ZNF331: variants seen among roughly 807,000 people sequenced by gnomAD.
ZNF331 encodes zinc finger protein 331, also known as C2H2-like zinc finger protein rearranged in thyroid adenomas.
ZNF331 carries 2 observed loss-of-function variants against 7.0 expected under a neutral mutation model. That is an observed-to-expected ratio of 0.29 (90% CI 0.12 to 0.90). The LOEUF is 0.90. ZNF331 is among the 40% of genes least tolerant of loss of function. The pLI is 0.58. For missense variants in ZNF331, 432 were observed against 587.7 expected, an observed-to-expected ratio of 0.74 and a Z score of 2.74; for synonymous variants, 196 against 205.4, an observed-to-expected ratio of 0.95 and a Z score of 0.39.
At chr19:53,559,441 CATAT>C (rs1341323196) in intron 3 of ZNF331, among the ~76,000 whole-genome samples, 2 of 148,128 alleles carry the variant, frequency 1.4e-5, no homozygotes, top group Non-Finnish European at 3.0e-5. Context: ...ACCATATATA[CATAT>C]ATACACACAT....
At chr19:53,506,830 G>A in the ZNF331 span, among the ~76,000 whole-genome samples, 1 of 152,140 alleles carries the variant, frequency 6.6e-6, no homozygotes, top group Non-Finnish European at 1.5e-5. Flanking sequence ...ATTCCAGTCT[G>A]GGTTGGGTGC....
At chr19:53,528,079 CAT>C (rs2087376409) in intron 2 of ZNF331, among the ~76,000 whole-genome samples, 1 of 152,238 alleles carries the variant, frequency 6.6e-6, no homozygotes. Flanking sequence ...ACATAGAACA[CAT>C]GATTCAGTCT....
Position 53,558,178 on chromosome 19 carries a change from T to C in ZNF331, c.-74+2270T>C, listed in dbSNP as rs181391357. On this transcript the variant is annotated intron_variant, in intron 3 of 5. Transcript: ENST00000449416. The surrounding 1 kb of genome is among the most constrained non-coding windows in gnomAD (Gnocchi z 4.5). Reference sequence around the variant, plus strand: ...AACCCTCTACAGGTTGGGGTTCTTATACTCTTTGGCTTCTATTAGTGTATT... The same window carrying C: ...AACCCTCTACAGGTTGGGGTTCTTACACTCTTTGGCTTCTATTAGTGTATT... Among the ~76,000 whole-genome samples, 354 of 152,286 alleles carry C rather than the reference T, an allele frequency of 2.3e-3. 1 individual carries two copies. The highest frequency in any genetic ancestry group is 8.2e-3 in the African/African-American group (342 of 41,548).
At chr19:53,523,567 TGA>T (rs1273837193) in intron 2 of ZNF331, 1 of 152,124 alleles carries the variant, frequency 6.6e-6, no homozygotes, top group East Asian at 1.9e-4. Flanking sequence ...TTGAGTTGTG[TGA>T]GTTTCTTATA....
At chr19:53,511,784 T>C in the ZNF331 span, among the ~76,000 whole-genome samples, 3 of 152,136 alleles carry the variant, frequency 2.0e-5, no homozygotes, top group Admixed American at 1.3e-4. Flanking sequence ...CAAACACATA[T>C]GGATGATTAC....
chr19:53,508,536 T>C, the ZNF331 span, among the ~76,000 whole-genome samples: 2 of 151,840 alleles, frequency 1.3e-5, no homozygotes, highest in African/African-American at 2.4e-5. Flanking sequence ...GAAGGAGACA[T>C]CCTTTTGGAT....
Position 53,577,695 on chromosome 19 carries a change from G to A in ZNF331, c.1135G>A (p.Gly379Ser). The A allele has an allele frequency of 6.2e-7, 1 of 1,614,174 alleles. No homozygotes were observed. Among genetic ancestry groups the A allele is most frequent in the African/African-American group, 1.3e-5 (1 of 75,036 alleles). The stretch of plus-strand genomic sequence containing the variant: ...CACTCAGCACGAGAGAATCCACACA[G>A]GCGAAACCCCGTATAAATGTAAGGA... ...HLTQHERIHT[G>S]ETPYKCKECG... The change falls in exon 6 of 6, where the codon GGC becomes AGC. Residue 379 changes from glycine to serine, a missense_variant. Around this residue, in one of 3 missense-constraint regions of ZNF331, gnomAD observed 312 missense variants for 448.6 expected, o/e 0.70. Coordinates refer to ENST00000449416, the MANE Select transcript of ZNF331 (RefSeq NM_001079906.2).
At chr19:53,563,173 C>T (rs1440295383) in intron 3 of ZNF331, among the ~76,000 whole-genome samples, 12 of 146,250 alleles carry the variant, frequency 8.2e-5, no homozygotes, top group African/African-American at 1.8e-4. Flanking sequence ...CTGCAATCTC[C>T]GCCTCCCGGG....
the ZNF331 span, among the ~76,000 whole-genome samples, chr19:53,506,444 G>GTCTCTC: frequency 1.6e-3 from 137 of 86,232 alleles, no homozygotes; most frequent in East Asian, 6.3e-3. Flanking sequence ...CTCTCTCTCT[G>GTCTCTC]TCTCTCTCTC....
At chr19:53,509,930 CAGAG>C in the ZNF331 span, among the ~76,000 whole-genome samples, 3 of 152,132 alleles carry the variant, frequency 2.0e-5, no homozygotes, top group African/African-American at 7.2e-5. Context: ...AAAGGAGAGA[CAGAG>C]AGAGTGAAGA....
At chr19:53,572,985 G>A (rs2090536459) in intron 5 of ZNF331, among the ~76,000 whole-genome samples, 1 of 152,060 alleles carries the variant, frequency 6.6e-6, no homozygotes, top group Non-Finnish European at 1.5e-5. Flanking sequence ...TTGGGAGGCT[G>A]AGGTGGGCGG....
intron 2 of ZNF331, among the ~76,000 whole-genome samples, chr19:53,544,166 G>T (rs2088391350): frequency 6.6e-6 from 1 of 150,988 alleles, no homozygotes; most frequent in Admixed American, 6.6e-5. Context: ...GGCGGAGGTT[G>T]CAGTGAGTTG....
chr19:53,569,309 G>C lies in ZNF331; in HGVS notation c.-68G>C, dbSNP rs1379619574. 1 of 1,582,744 alleles carries C rather than the reference G, an allele frequency of 6.3e-7. No homozygotes were observed. ...CTCTTTTTTTCCACCCCTAGCTCTA[G>C]CCTCTCGGAATTTGTCTTCTTCAGT... On this transcript the variant is annotated 5_prime_UTR_variant, in exon 4 of 6. Transcript: ENST00000449416.
At chr19:53,568,844 A>G (rs1435106874) in intron 3 of ZNF331, among the ~76,000 whole-genome samples, 1 of 133,014 alleles carries the variant, frequency 7.5e-6, no homozygotes, top group Non-Finnish European at 1.6e-5. Flanking sequence ...TTGATCCATG[A>G]TACTCTTTTT....
chr19:53,506,478 CTCTG>C, the ZNF331 span, among the ~76,000 whole-genome samples: 2 of 133,340 alleles, frequency 1.5e-5, no homozygotes, highest in Non-Finnish European at 3.3e-5. Flanking sequence ...CTCTCTCTCT[CTCTG>C]TCTGTCTCTC....
At chr19:53,552,534 A>G (rs1285890258) in intron 2 of ZNF331, among the ~76,000 whole-genome samples, 1 of 152,008 alleles carries the variant, frequency 6.6e-6, no homozygotes, top group Non-Finnish European at 1.5e-5. Flanking sequence ...CCTGGGCAGC[A>G]TAGCAAGACC....
chr19:53,530,264 ACACC>A (rs2087481888), intron 2 of ZNF331, among the ~76,000 whole-genome samples: 1 of 149,596 alleles, frequency 6.7e-6, no homozygotes, highest in African/African-American at 2.5e-5. Context: ...CATAACCCAA[ACACC>A]TCCCACCAGG....
At chr19:53,506,693 G>A in the ZNF331 span, among the ~76,000 whole-genome samples, 1 of 152,186 alleles carries the variant, frequency 6.6e-6, no homozygotes, top group African/African-American at 2.4e-5. Context: ...AGGGTTCCCA[G>A]TGAGGGCGGA....
chr19:53,508,396 C>G, the ZNF331 span, among the ~76,000 whole-genome samples: 1 of 152,322 alleles, frequency 6.6e-6, no homozygotes, highest in Middle Eastern at 3.4e-3. Flanking sequence ...CATTTTCACT[C>G]TGACATACTG....
Sources: gnomAD v4.1 joint callset for allele counts (sites outside exome capture counted in the v4.1 genomes callset) on GRCh38, gnomAD v4.1.1 for gene constraint, gnomAD v4.1.1 regional missense constraint, Gnocchi (gnomAD v3.1) non-coding constraint, MANE v1.5 for transcripts, NCBI Gene and HGNC (gene_info 2026-07-23, HGNC 2026-07-21) for gene names.